The following OR5AS1 variants were observed in gnomAD, a reference collection of about 807,000 sequenced individuals.
OR5AS1 encodes olfactory receptor 5AS1.
For synonymous variants in OR5AS1, 196 were observed against 141.7 expected (o/e 1.38, Z -2.72); for missense variants, 492 against 378.2 (o/e 1.30, Z -2.50).
rs950049774 is a variant in OR5AS1, at chr11:56,032,534, G to A, written c.*1141G>A. 1 of 152,050 alleles carries A rather than the reference G, an allele frequency of 6.6e-6. No individual in the cohort carries two copies. The highest frequency in any genetic ancestry group is 2.4e-5 in the African/African-American group (1 of 41,370). 9.4% of individuals were successfully genotyped at this position (152,050 alleles called of 1,614,324 possible). A position where few individuals can be genotyped will look rare whatever the true frequency, so the allele number is the denominator to read the frequency against. On this transcript the variant is annotated 3_prime_UTR_variant, in exon 2 of 2. Transcript: ENST00000641320. ...TGTGAAATAAAAAAGTGTGCATTTT[G>A]TAATAATTATGAAAATATAAATGGT...
At position 56,030,873 on chromosome 11, in the gene OR5AS1, G is replaced by A. The variant is rs1314458974; in HGVS notation, c.455G>A (p.Gly152Glu). ...TTCATTGTGTTGGCATATTTCAGTGGAAGTACAACATCACTGGTCCATGTG... is the reference window on the plus strand; with the variant it reads ...TTCATTGTGTTGGCATATTTCAGTGAAAGTACAACATCACTGGTCCATGTG... The part of the protein sequence containing the change: ...VCFIVLAYFS[G>E]STTSLVHVCL... The change falls in exon 2 of 2, where the codon GGA becomes GAA. Residue 152 changes from glycine (G) to glutamate (E), a missense_variant. Physicochemically the swap from Gly to Glu is moderately conservative, Grantham distance 98. Transcript: ENST00000641320. 1 of 1,614,006 alleles carries A rather than the reference G, an allele frequency of 6.2e-7. No homozygotes were observed. Among genetic ancestry groups the A allele is most frequent in the Non-Finnish European group, 8.5e-7 (1 of 1,179,934 alleles).
chr11:56,035,825 G>T lies in OR5AS1; in HGVS notation c.*4432G>T, dbSNP rs1853398789. 6.6e-6 allele frequency: 1 copy of T among 151,994 alleles called. No individual in the cohort carries two copies. Among genetic ancestry groups the T allele is most frequent in the Admixed American group, 6.6e-5 (1 of 15,252 alleles). The allele number at this position is 151,994 out of a possible 1,614,324, so 9.4% of individuals were successfully genotyped here. ...CAGAACTCTACACCCCAAATCAATAGAATATACATTATTCTCAGCACCACA... is the reference window on the plus strand; with the variant it reads ...CAGAACTCTACACCCCAAATCAATATAATATACATTATTCTCAGCACCACA... On this transcript the variant is annotated 3_prime_UTR_variant, in exon 2 of 2. Transcript: ENST00000641320.
At position 56,038,029 on chromosome 11, in the gene OR5AS1, C is replaced by T. The variant is rs1009203403; in HGVS notation, c.*6636C>T. On this transcript the variant is annotated 3_prime_UTR_variant, in exon 2 of 2. Transcript: ENST00000641320. ...AAACAAGCAATGAGGAAAGGATTCC[C>T]TATTTAATAAATGGTGTTGGGAAAA... 1.3e-5 allele frequency: 2 copies of T among 152,128 alleles called. No homozygotes were observed. Among genetic ancestry groups the T allele is most frequent in the Non-Finnish European group, 2.9e-5 (2 of 68,034 alleles). The allele number at this position is 152,128 out of a possible 1,614,324, so 9.4% of individuals were successfully genotyped here. A position where few individuals can be genotyped will look rare whatever the true frequency, so the allele number is the denominator to read the frequency against.
Position 56,030,580 on chromosome 11 carries a change from C to G in OR5AS1, c.162C>G (p.Ser54Arg). 3 of 1,543,568 alleles carry G rather than the reference C, an allele frequency of 1.9e-6. No individual in the cohort carries two copies. The highest frequency in any genetic ancestry group is 1.7e-4 in the Middle Eastern group (1 of 5,720). The change falls in exon 2 of 2, where the codon AGC becomes AGG. Residue 54 changes from serine to arginine, a missense_variant. Ser to Arg is a moderately radical substitution (Grantham distance 110). Coordinates refer to ENST00000641320, the MANE Select transcript of OR5AS1 (RefSeq NM_001001921.2). ...LLIILVNINS[S>R]LQIPMYYFLS... Reference sequence around the variant, plus strand: ...TAATTCTAGTTAATATTAATTCAAGCCTTCAAATTCCCATGTATTATTTTC... The same window carrying G: ...TAATTCTAGTTAATATTAATTCAAGGCTTCAAATTCCCATGTATTATTTTC...
rs1039702828 is a variant in OR5AS1 at position 56,037,291 on chromosome 11, G to A, written c.*5898G>A. On this transcript the variant is annotated 3_prime_UTR_variant, in exon 2 of 2. Coordinates refer to ENST00000641320, the MANE Select transcript of OR5AS1 (RefSeq NM_001001921.2). Reference sequence around the variant, plus strand: ...AATCAGGCAAGATAAAGAAATAAAGGATATTCAAATAGGAAAAGAGGAAGT... The same window carrying A: ...AATCAGGCAAGATAAAGAAATAAAGAATATTCAAATAGGAAAAGAGGAAGT... 51 of 152,176 alleles carry A rather than the reference G, an allele frequency of 3.4e-4. 1 individual carries two copies. Among genetic ancestry groups the A allele is most frequent in the African/African-American group, 1.1e-3 (47 of 41,470 alleles). 9.4% of individuals were successfully genotyped at this position (152,176 alleles called of 1,614,324 possible). A position where few individuals can be genotyped will look rare whatever the true frequency, so the allele number is the denominator to read the frequency against.
chr11:56,031,456 A>G lies in OR5AS1; in HGVS notation c.*63A>G. On this transcript the variant is annotated 3_prime_UTR_variant, in exon 2 of 2. Transcript: ENST00000641320. ...GAACATCTTATGTGTTAACTATTTT[A>G]AATTTATCACATTTTCAGAAATAAA... 8.5e-7 allele frequency: 1 copy of G among 1,176,026 alleles called. No individual in the cohort carries two copies. Among genetic ancestry groups the G allele is most frequent in the Non-Finnish European group, 1.2e-6 (1 of 844,614 alleles). The allele number at this position is 1,176,026 out of a possible 1,614,324, so 72.8% of individuals were successfully genotyped here.
In OR5AS1 at chr11:56,032,773, A is replaced by C. The variant is rs1853364012; in HGVS notation, c.*1380A>C. On this transcript the variant is annotated 3_prime_UTR_variant, in exon 2 of 2. Coordinates refer to ENST00000641320, the MANE Select transcript of OR5AS1 (RefSeq NM_001001921.2). ...ACTACAATAAAGCAACTGACGCAGTAAAGTGTCACACAAATTTTTAGATTT... is the reference window on the plus strand; with the variant it reads ...ACTACAATAAAGCAACTGACGCAGTCAAGTGTCACACAAATTTTTAGATTT... 6.6e-6 allele frequency: 1 copy of C among 152,176 alleles called. No homozygotes were observed. The highest frequency in any genetic ancestry group is 6.5e-5 in the Admixed American group (1 of 15,280). 9.4% of individuals were successfully genotyped at this position (152,176 alleles called of 1,614,324 possible). A position where few individuals can be genotyped will look rare whatever the true frequency, so the allele number is the denominator to read the frequency against.
Position 56,027,668 on chromosome 11 carries a change from TG to T in OR5AS1, c.-72del, listed in dbSNP as rs1853309529. 6.6e-6 allele frequency: 1 copy of T among 152,066 alleles called. No homozygotes were observed. The highest frequency in any genetic ancestry group is 2.4e-5 in the African/African-American group (1 of 41,364). The allele number at this position is 152,066 out of a possible 1,614,324, so 9.4% of individuals were successfully genotyped here. ...CTAGAGAAAAATGTTGATAGCCCAT[TG>T]TGCAAAATAAGTGATAAAATTCAAA... On this transcript the variant is annotated 5_prime_UTR_variant, in exon 1 of 2. Coordinates refer to ENST00000641320, the MANE Select transcript of OR5AS1 (RefSeq NM_001001921.2).
chr11:56,033,129 C>T lies in OR5AS1; in HGVS notation c.*1736C>T, dbSNP rs1853368647. 6.6e-6 allele frequency: 1 copy of T among 152,602 alleles called. No individual in the cohort carries two copies. The highest frequency in any genetic ancestry group is 1.5e-5 in the Non-Finnish European group (1 of 68,294). 9.5% of individuals were successfully genotyped at this position (152,602 alleles called of 1,614,324 possible). Reference sequence around the variant, plus strand: ...TGCTTTTCCCATCGTCTTCACAACACACGGACCAGGAGATTCCCTTGGGTG... The same window carrying T: ...TGCTTTTCCCATCGTCTTCACAACATACGGACCAGGAGATTCCCTTGGGTG... On this transcript the variant is annotated 3_prime_UTR_variant, in exon 2 of 2. Coordinates refer to ENST00000641320, the MANE Select transcript of OR5AS1 (RefSeq NM_001001921.2).
Position 56,030,498 on chromosome 11 carries a change from T to C in OR5AS1, c.80T>C (p.Leu27Pro). 2 of 1,530,796 alleles carry C rather than the reference T, an allele frequency of 1.3e-6. No homozygotes were observed. Among genetic ancestry groups the C allele is most frequent in the Non-Finnish European group, 1.8e-6 (2 of 1,136,696 alleles). The allele number at this position is 1,530,796 out of a possible 1,614,324, so 94.8% of individuals were successfully genotyped here. Residue 27 changes from leucine (L) to proline (P), a missense_variant, in exon 2 of 2, where the codon CTG becomes CCG. Transcript: ENST00000641320. Reference protein sequence around the residue: ...FTDYLPLRVTLFLVFLLVYTL... With the variant: ...FTDYLPLRVTPFLVFLLVYTL... Reference sequence around the variant, plus strand: ...GATTATCTACCTCTCAGAGTCACACTGTTCTTGGTATTCCTTCTGGTATAT... The same window carrying C: ...GATTATCTACCTCTCAGAGTCACACCGTTCTTGGTATTCCTTCTGGTATAT...
At position 56,030,933 on chromosome 11, in the gene OR5AS1, A is replaced by AT. The variant is rs749104865; in HGVS notation, c.516dup (p.Ile173TyrfsTer8). 6.2e-7 allele frequency: 1 copy of AT among 1,614,134 alleles called. No individual in the cohort carries two copies. The highest frequency in any genetic ancestry group is 1.1e-5 in the South Asian group (1 of 91,086). On this transcript the variant is annotated frameshift_variant, in exon 2 of 2. Coordinates refer to ENST00000641320, the MANE Select transcript of OR5AS1 (RefSeq NM_001001921.2). LOFTEE classifies it low-confidence loss of function (END_TRUNC). ...TTCAGGCTGTCATTTTGTGGCTCCAATATCGTCAATCATTTTTTCTGTGAT... is the reference window on the plus strand; with the variant it reads ...TTCAGGCTGTCATTTTGTGGCTCCAATTATCGTCAATCATTTTTTCTGTGAT...
chr11:56,035,358 A>G lies in OR5AS1; in HGVS notation c.*3965A>G, dbSNP rs1853393720. 6.6e-6 allele frequency: 1 copy of G among 152,144 alleles called. No homozygotes were observed. Among genetic ancestry groups the G allele is most frequent in the Non-Finnish European group, 1.5e-5 (1 of 68,040 alleles). 9.4% of individuals were successfully genotyped at this position (152,144 alleles called of 1,614,324 possible). The stretch of plus-strand genomic sequence containing the variant: ...GAGTCAAGACCGATTGGTGTGCTGT[A>G]TTCAGGAGACCGATCTCATGTGCAA... On this transcript the variant is annotated 3_prime_UTR_variant, in exon 2 of 2. Transcript: ENST00000641320.
In OR5AS1 at chr11:56,031,599, A is replaced by G; in HGVS notation, c.*206A>G. The G allele has an allele frequency of 5.0e-6, 2 of 401,912 alleles. No individual in the cohort carries two copies. Among genetic ancestry groups the G allele is most frequent in the South Asian group, 4.6e-5 (1 of 21,844 alleles). The allele number at this position is 401,912 out of a possible 1,614,324, so 24.9% of individuals were successfully genotyped here. The stretch of plus-strand genomic sequence containing the variant: ...TAAACATAGTCATTATTTATATCCA[A>G]TTAGTGTTTCTAAAATGCTTTGTAC... On this transcript the variant is annotated 3_prime_UTR_variant, in exon 2 of 2. Transcript: ENST00000641320.
rs1401221936 is a variant in OR5AS1 at position 56,030,913 on chromosome 11, G to T, written c.495G>T (p.Arg165Ser). Residue 165 changes from arginine to serine, a missense_variant, in exon 2 of 2, where the codon AGG becomes AGT. Coordinates refer to ENST00000641320, the MANE Select transcript of OR5AS1 (RefSeq NM_001001921.2). ...TSLVHVCLTF[R>S]LSFCGSNIVN... Reference sequence around the variant, plus strand: ...TGGTCCATGTGTGCCTCACATTCAGGCTGTCATTTTGTGGCTCCAATATCG... The same window carrying T: ...TGGTCCATGTGTGCCTCACATTCAGTCTGTCATTTTGTGGCTCCAATATCG... 1 of 1,614,056 alleles carries T rather than the reference G, an allele frequency of 6.2e-7. No individual in the cohort carries two copies. The highest frequency in any genetic ancestry group is 2.2e-5 in the East Asian group (1 of 44,876).
intron 1 of OR5AS1, among the ~76,000 whole-genome samples, chr11:56,029,816 T>C (rs1421291656): frequency 6.6e-6 from 1 of 152,080 alleles, no homozygotes; most frequent in South Asian, 2.1e-4. Flanking sequence ...GAAAGTCAAA[T>C]AACTATACCA....
In OR5AS1 at chr11:56,031,007, C is replaced by T. The variant is rs200489339; in HGVS notation, c.589C>T (p.Leu197Phe). 6.2e-7 allele frequency: 1 copy of T among 1,614,160 alleles called. No homozygotes were observed. Among genetic ancestry groups the T allele is most frequent in the South Asian group, 1.1e-5 (1 of 91,088 alleles). ...LSCTDTQINQ[L>F]LLFALCSFIQ... Reference sequence around the variant, plus strand: ...ATGTACAGACACTCAGATCAACCAGCTTCTGCTCTTTGCTTTGTGCAGCTT... The same window carrying T: ...ATGTACAGACACTCAGATCAACCAGTTTCTGCTCTTTGCTTTGTGCAGCTT... Residue 197 changes from leucine to phenylalanine, a missense_variant, in exon 2 of 2, where the codon CTT becomes TTT. Leu to Phe is a conservative substitution (Grantham distance 22). Transcript: ENST00000641320.
At position 56,031,243 on chromosome 11, in the gene OR5AS1, A is replaced by C; in HGVS notation, c.825A>C (p.Ala275=). 6.2e-7 allele frequency: 1 copy of C among 1,613,752 alleles called. No individual in the cohort carries two copies. The highest frequency in any genetic ancestry group is 8.5e-7 in the Non-Finnish European group (1 of 1,179,786). Residue 275 remains alanine (A), a synonymous_variant, in exon 2 of 2, where the codon GCA becomes GCC. Coordinates refer to ENST00000641320, the MANE Select transcript of OR5AS1 (RefSeq NM_001001921.2). ...CCCTAGACACTGATAAGGTGGTGGC[A>C]GTGTTTTATACTGTTGTATTTCCCA... ...SYSLDTDKVV[A]VFYTVVFPMF... is the part of the protein sequence containing the mutation.
rs369865069 is a variant in OR5AS1 at position 56,037,489 on chromosome 11, C to T, written c.*6096C>T. ...CAATAACAGACAAACAGAGCCAAATCGAATGAACTGCCATTCACAATTGCT... is the reference window on the plus strand; with the variant it reads ...CAATAACAGACAAACAGAGCCAAATTGAATGAACTGCCATTCACAATTGCT... On this transcript the variant is annotated 3_prime_UTR_variant, in exon 2 of 2. Transcript: ENST00000641320. The T allele has an allele frequency of 6.6e-5, 10 of 151,758 alleles. No homozygotes were observed. Among genetic ancestry groups the T allele is most frequent in the African/African-American group, 2.4e-4 (10 of 41,390 alleles). 9.4% of individuals were successfully genotyped at this position (151,758 alleles called of 1,614,324 possible).
rs1392222326 is a variant in OR5AS1 at position 56,030,813 on chromosome 11, A to G, written c.395A>G (p.Tyr132Cys). The change falls in exon 2 of 2, where the codon TAT becomes TGT. Residue 132 changes from tyrosine to cysteine, a missense_variant. Tyr to Cys is a radical substitution (Grantham distance 194, BLOSUM62 -2). Transcript: ENST00000641320. ...GCAGCCATCTGCAACCCACTGCTCT[A>G]TACTACACTGATGTCTAGGAGAGTC... ...RYAAICNPLL[Y>C]TTLMSRRVCV... 1.9e-6 allele frequency: 3 copies of G among 1,613,926 alleles called. No homozygotes were observed. Among genetic ancestry groups the G allele is most frequent in the Non-Finnish European group, 2.5e-6 (3 of 1,179,988 alleles).
Sources: allele counts gnomAD v4.1 joint callset (sites outside exome capture counted in the v4.1 genomes callset), GRCh38; gene constraint gnomAD v4.1.1; transcripts MANE v1.5; gene names NCBI Gene and HGNC (gene_info 2026-07-23, HGNC 2026-07-21).